CPNE4: variants seen among roughly 807,000 people sequenced by gnomAD.
CPNE4 encodes copine-4.
Under a neutral mutation model 67.9 loss-of-function variants are expected in CPNE4, and 25 were observed. The observed-to-expected ratio is 0.37, with a 90% confidence interval of 0.27 to 0.51. The LOEUF (loss-of-function observed/expected upper bound fraction) is 0.51, where lower values mean the gene tolerates loss of function less well. Ranked by LOEUF, CPNE4 falls within the 20% of genes least tolerant of loss-of-function variation. CPNE4 has a pLI of 0.93. For missense variants in CPNE4, 464 were observed against 690.8 expected, an observed-to-expected ratio of 0.67 and a Z score of 3.68; for synonymous variants, 242 against 244.9, an observed-to-expected ratio of 0.99 and a Z score of 0.11.
At chr3:131,958,968 T>A (rs55820665) in intron 1 of CPNE4, among the ~76,000 whole-genome samples, 1 of 29,722 alleles carries the variant, frequency 3.4e-5, no homozygotes, top group Non-Finnish European at 5.5e-5. Flanking sequence ...TGATACACCT[T>A]TCTTTTTTTT....
intron 2 of CPNE4, among the ~76,000 whole-genome samples, chr3:131,819,278 T>G (rs72987725): frequency 0.032 from 4,820 of 152,178 alleles, 181 homozygotes; most frequent in South Asian, 0.095. Flanking sequence ...TCAACATAAT[T>G]TTCAAAATAA....
chr3:132,033,559 T>C (rs2074285595), intron 1 of CPNE4, among the ~76,000 whole-genome samples: 1 of 152,076 alleles, frequency 6.6e-6, no homozygotes, highest in African/African-American at 2.4e-5. Flanking sequence ...AAGCCCTTCA[T>C]AGATTTGCGC....
chr3:131,781,170 ACTTTGGTCC>A (rs1374198284), intron 2 of CPNE4, among the ~76,000 whole-genome samples: 1 of 152,064 alleles, frequency 6.6e-6, no homozygotes, highest in Admixed American at 6.6e-5. Context: ...ATTGGGTCTA[ACTTTGGTCC>A]CACTCTACCA....
intron 7 of CPNE4, among the ~76,000 whole-genome samples, chr3:131,654,234 G>A (rs1193173872): frequency 6.6e-6 from 1 of 151,972 alleles, no homozygotes; most frequent in Non-Finnish European, 1.5e-5. Context: ...TTAGCTATGG[G>A]CTTCCTCATC....
At chr3:131,567,792 G>C (rs553284549) in intron 10 of CPNE4, among the ~76,000 whole-genome samples, 108 of 152,084 alleles carry the variant, frequency 7.1e-4, no homozygotes, top group African/African-American at 2.6e-3. Flanking sequence ...GTTTTGAGGG[G>C]ACAGAAGAGA....
In CPNE4 at chr3:131,542,871, AC is replaced by A. The variant is rs1331777713; in HGVS notation, c.1303-79del. 32 of 1,017,878 alleles carry A rather than the reference AC, an allele frequency of 3.1e-5. No homozygotes were observed. The African/African-American group carries it at 4.9e-4, about 16-fold the overall frequency. 63.1% of individuals were successfully genotyped at this position (1,017,878 alleles called of 1,614,324 possible). Reference sequence around the variant, plus strand: ...AAGGACAATACAATACCAGTTAGACACCCAGGTGGCCTCACTGCACATTGAC... The same window carrying A: ...AAGGACAATACAATACCAGTTAGACACCAGGTGGCCTCACTGCACATTGAC... On this transcript the variant is annotated intron_variant, in intron 14 of 15. Coordinates refer to ENST00000429747, the MANE Select transcript of CPNE4 (RefSeq NM_130808.3).
intron 15 of CPNE4, among the ~76,000 whole-genome samples, chr3:131,537,068 T>G (rs186666306): frequency 1.3e-5 from 2 of 152,124 alleles, no homozygotes; most frequent in Admixed American, 1.3e-4. Context: ...GTTTAACAGA[T>G]TCTGGACTCA....
chr3:131,638,407 G>A (rs1355594988), intron 7 of CPNE4, among the ~76,000 whole-genome samples: 1 of 151,520 alleles, frequency 6.6e-6, no homozygotes, highest in Non-Finnish European at 1.5e-5. Context: ...GAAAGCAGCA[G>A]CAGTTAAAAA....
rs541995370 is a variant in CPNE4 at position 131,992,420 on chromosome 3, G to A, written c.-2+42147C>T. Among the ~76,000 whole-genome samples the A allele has an allele frequency of 5.9e-5, 8 of 136,560 alleles. 1 individual carries two copies. Among genetic ancestry groups the A allele is most frequent in the African/African-American group, 1.7e-4 (7 of 40,810 alleles). 89.6% of individuals were successfully genotyped at this position (136,560 alleles called of 152,430 possible). A position where few individuals can be genotyped will look rare whatever the true frequency, so the allele number is the denominator to read the frequency against. ...TTGGATTTTGGACTTGAATGGGGCC[G>A]GTAGCCCCTTTGTTTTGGCCAATTT... On this transcript the variant is annotated intron_variant, in intron 1 of 15. Transcript: ENST00000429747.
intron 1 of CPNE4, among the ~76,000 whole-genome samples, chr3:131,915,089 G>T (rs1353575456): frequency 6.6e-6 from 1 of 152,144 alleles, no homozygotes. Flanking sequence ...GATCAGTATT[G>T]TCAGCCTCAT....
intron 11 of CPNE4, among the ~76,000 whole-genome samples, chr3:131,559,293 C>T (rs925743194): frequency 6.6e-6 from 1 of 151,916 alleles, no homozygotes; most frequent in Admixed American, 6.6e-5. Flanking sequence ...TTTCCATACA[C>T]TTATTTATAA....
Position 131,596,349 on chromosome 3 carries a change from G to T in CPNE4, c.682-8767C>A, listed in dbSNP as rs1172482258. ...TAAAAATTAAGTAAAGCGGCCGGGC[G>T]CGGTGGCTCACGCCTGTAATCCCAG... On this transcript the variant is annotated intron_variant, in intron 7 of 15. Coordinates refer to ENST00000429747, the MANE Select transcript of CPNE4 (RefSeq NM_130808.3). Among the ~76,000 whole-genome samples, 4 of 116,852 alleles carry T rather than the reference G, an allele frequency of 3.4e-5. No individual in the cohort carries two copies. In the South Asian group the frequency reaches 8.5e-4, roughly 25 times the overall value. 76.7% of individuals were successfully genotyped at this position (116,852 alleles called of 152,430 possible).
intron 1 of CPNE4, among the ~76,000 whole-genome samples, chr3:131,959,945 C>A (rs1228844120): frequency 2.0e-5 from 3 of 152,074 alleles, no homozygotes; most frequent in Middle Eastern, 3.2e-3. Context: ...AACGCTACTG[C>A]AAATTTAAGT....
intron 7 of CPNE4, among the ~76,000 whole-genome samples, chr3:131,616,758 C>T (rs926227111): frequency 5.3e-5 from 8 of 152,098 alleles, no homozygotes; most frequent in Admixed American, 5.2e-4. Flanking sequence ...ACTGAAGGCA[C>T]ATAAAAATGC....
At chr3:131,593,599 T>G (rs1252552098) in intron 7 of CPNE4, among the ~76,000 whole-genome samples, 3 of 152,222 alleles carry the variant, frequency 2.0e-5, no homozygotes, top group Non-Finnish European at 4.4e-5. Flanking sequence ...ACATATAGGA[T>G]TATATCATTT....
intron 1 of CPNE4, among the ~76,000 whole-genome samples, chr3:131,916,135 C>A (rs2089172712): frequency 6.6e-6 from 1 of 152,058 alleles, no homozygotes; most frequent in African/African-American, 2.4e-5. Flanking sequence ...AGAGAAAAAG[C>A]AAACTTAAAT....
chr3:131,994,096 A>C (rs1560751835), intron 1 of CPNE4, among the ~76,000 whole-genome samples: 2 of 136,538 alleles, frequency 1.5e-5, no homozygotes, highest in African/African-American at 4.9e-5. Context: ...ATCTAAATCT[A>C]GGTAAAATCT....
chr3:132,016,961 T>C (rs1413070730), intron 1 of CPNE4, among the ~76,000 whole-genome samples: 2 of 152,186 alleles, frequency 1.3e-5, no homozygotes, highest in African/African-American at 2.4e-5. Flanking sequence ...TAGATTTTTT[T>C]CTCTAAGGCA....
At chr3:131,585,163 A>C (rs549655300) in intron 8 of CPNE4, among the ~76,000 whole-genome samples, 30 of 152,304 alleles carry the variant, frequency 2.0e-4, no homozygotes, top group Non-Finnish European at 2.8e-4. Context: ...CTATATGCAC[A>C]CTTTTATAAT....
Sources: gnomAD v4.1 joint callset for allele counts (sites outside exome capture counted in the v4.1 genomes callset) on GRCh38, gnomAD v4.1.1 for gene constraint, MANE v1.5 for transcripts, NCBI Gene and HGNC (gene_info 2026-07-23, HGNC 2026-07-21) for gene names.